The following PPP1R14C variants were observed in gnomAD, a reference collection of about 807,000 sequenced individuals.
PPP1R14C encodes protein phosphatase 1 regulatory subunit 14C.
Under a neutral mutation model 20.4 loss-of-function variants are expected in PPP1R14C, and 16 were observed. That is an observed-to-expected ratio of 0.78 (90% confidence interval 0.53 to 1.19). PPP1R14C has a LOEUF of 1.19. Among genes scored for constraint, PPP1R14C ranks in the 50% most tolerant of loss-of-function variants. The probability of loss-of-function intolerance (pLI) is 0.00; values close to 1 mark genes in which losing one functional copy is unlikely to be tolerated. For missense variants in PPP1R14C, 211 were observed against 220.1 expected, an observed-to-expected ratio of 0.96 and a Z score of 0.26; for synonymous variants, 91 against 91.0, an observed-to-expected ratio of 1.00 and a Z score of 0.00.
intron 1 of PPP1R14C, among the ~76,000 whole-genome samples, chr6:150,149,531 T>A (rs1029488489): frequency 6.8e-6 from 1 of 148,108 alleles, no homozygotes; most frequent in African/African-American, 2.5e-5. Flanking sequence ...TTCCTGGGCT[T>A]AAGTGATCCG....
intron 1 of PPP1R14C, among the ~76,000 whole-genome samples, chr6:150,173,317 C>T (rs1777519107): frequency 6.6e-6 from 1 of 151,984 alleles, no homozygotes. Flanking sequence ...ACCACCTAAT[C>T]TGGTCTCTTA....
At chr6:150,144,764 AC>A (rs1777163618) in intron 1 of PPP1R14C, among the ~76,000 whole-genome samples, 1 of 152,260 alleles carries the variant, frequency 6.6e-6, no homozygotes, top group African/African-American at 2.4e-5. Context: ...TGACTGTATG[AC>A]TAATGGGGTT....
At chr6:150,150,955 C>G (rs555879325) in intron 1 of PPP1R14C, among the ~76,000 whole-genome samples, 1 of 152,260 alleles carries the variant, frequency 6.6e-6, no homozygotes, top group East Asian at 1.9e-4. Context: ...CCTTCCCTTT[C>G]TGGGTTTTTC....
intron 1 of PPP1R14C, among the ~76,000 whole-genome samples, chr6:150,180,966 A>G (rs1275595297): frequency 1.3e-5 from 2 of 152,244 alleles, no homozygotes; most frequent in Non-Finnish European, 2.9e-5. Flanking sequence ...TAAGGACCCA[A>G]TGTCAAAGTG....
intron 1 of PPP1R14C, among the ~76,000 whole-genome samples, chr6:150,199,870 A>T (rs75332561): frequency 5.7e-3 from 1 of 176 alleles, no homozygotes; most frequent in Admixed American, 0.056. Context: ...GCCTGTCTCT[A>T]AAAAAAAAAA....
At chr6:150,247,237 C>T (rs546154302) in intron 3 of PPP1R14C, among the ~76,000 whole-genome samples, 17 of 152,276 alleles carry the variant, frequency 1.1e-4, no homozygotes, top group African/African-American at 3.6e-4. Context: ...CAAAGTTCCT[C>T]GGTGTTTTTG....
intron 1 of PPP1R14C, among the ~76,000 whole-genome samples, chr6:150,187,243 TTC>T (rs1191266651): frequency 1.8e-4 from 22 of 120,506 alleles, no homozygotes; most frequent in African/African-American, 4.6e-4. Context: ...GCCTTTCTCT[TTC>T]TCTGTGTGTG....
rs546999510 is a variant in PPP1R14C, at chr6:150,143,625, C to T, written c.306+127C>T. On this transcript the variant is annotated intron_variant, in intron 1 of 3. Coordinates refer to ENST00000361131, the MANE Select transcript of PPP1R14C (RefSeq NM_030949.3). This position sits in a 1 kb window ranked among gnomAD's most constrained non-coding sequence, Gnocchi z 5.6. ...ACTCCCGGGGACCAAGTGCCAGGAGCGAGGCGCGGCGCCTTCTCTCCCCCG... is the reference window on the plus strand; with the variant it reads ...ACTCCCGGGGACCAAGTGCCAGGAGTGAGGCGCGGCGCCTTCTCTCCCCCG... The T allele has an allele frequency of 7.1e-5, 48 of 678,580 alleles. 2 individuals carry two copies. In the Middle Eastern group the frequency reaches 1.2e-3, roughly 17 times the overall value. 42.0% of individuals were successfully genotyped at this position (678,580 alleles called of 1,614,324 possible). A position where few individuals can be genotyped will look rare whatever the true frequency, so the allele number is the denominator to read the frequency against.
At position 150,216,881 on chromosome 6, in the gene PPP1R14C, G is replaced by A. The variant is rs151273696; in HGVS notation, c.423+25G>A. On this transcript the variant is annotated intron_variant, in intron 3 of 3. Transcript: ENST00000361131. Reference sequence around the variant, plus strand: ...GGTAAGCAAATCACTTTTCCTAAATGCCATGTTTGAACTGGTTTTTATTAA... The same window carrying A: ...GGTAAGCAAATCACTTTTCCTAAATACCATGTTTGAACTGGTTTTTATTAA... 903 of 1,587,172 alleles carry A rather than the reference G, an allele frequency of 5.7e-4. 11 individuals are homozygous for A. The East Asian group carries it at 0.016, about 28-fold the overall frequency.
At chr6:150,226,141 C>T (rs1410965492) in intron 3 of PPP1R14C, among the ~76,000 whole-genome samples, 5 of 152,032 alleles carry the variant, frequency 3.3e-5, no homozygotes, top group East Asian at 1.9e-4. Context: ...ATTCAGTCTG[C>T]GGACTCTTGT....
chr6:150,159,244 A>G (rs1305031902), intron 1 of PPP1R14C, among the ~76,000 whole-genome samples: 2 of 152,240 alleles, frequency 1.3e-5, no homozygotes, highest in Non-Finnish European at 2.9e-5. Flanking sequence ...ATTATATCTC[A>G]GTAAAGTATT....
At chr6:150,203,576 C>T (rs189903333) in intron 1 of PPP1R14C, among the ~76,000 whole-genome samples, 14 of 152,228 alleles carry the variant, frequency 9.2e-5, no homozygotes, top group Admixed American at 5.9e-4. Flanking sequence ...GGAGCCTTCC[C>T]GAGGCAGGAG....
intron 1 of PPP1R14C, among the ~76,000 whole-genome samples, chr6:150,149,504 G>T (rs1777221048): frequency 1.5e-5 from 2 of 137,548 alleles, no homozygotes; most frequent in Non-Finnish European, 3.0e-5. Context: ...CACTGTGTTG[G>T]CCAGGCTGGT....
chr6:150,147,188 T>C, intron 1 of PPP1R14C, among the ~76,000 whole-genome samples: 1 of 151,886 alleles, frequency 6.6e-6, no homozygotes, highest in Non-Finnish European at 1.5e-5. Flanking sequence ...TGTTTTGTTT[T>C]TGTTTTTTTG....
intron 1 of PPP1R14C, among the ~76,000 whole-genome samples, chr6:150,208,849 G>T (rs1294534725): frequency 6.6e-6 from 1 of 152,060 alleles, no homozygotes; most frequent in African/African-American, 2.4e-5. Context: ...GTTATAGCAC[G>T]GCTGTCCAGA....
At chr6:150,192,441 C>T (rs1777756573) in intron 1 of PPP1R14C, among the ~76,000 whole-genome samples, 1 of 152,176 alleles carries the variant, frequency 6.6e-6, no homozygotes, top group African/African-American at 2.4e-5. Flanking sequence ...AGGGTTTGCA[C>T]TCCTATGAGA....
At chr6:150,162,499 C>T (rs574502686) in intron 1 of PPP1R14C, among the ~76,000 whole-genome samples, 1 of 149,342 alleles carries the variant, frequency 6.7e-6, no homozygotes, top group African/African-American at 2.5e-5. Flanking sequence ...ATTTAAGATT[C>T]ATCCGTGGTT....
intron 1 of PPP1R14C, among the ~76,000 whole-genome samples, chr6:150,181,367 C>A (rs1299413769): frequency 6.6e-6 from 1 of 152,122 alleles, no homozygotes; most frequent in Non-Finnish European, 1.5e-5. Flanking sequence ...TATTATTATT[C>A]AAGGGTGTTT....
rs1778532908 is a variant in PPP1R14C, at chr6:150,249,234, A to G, written c.*414A>G. 1 of 399,734 alleles carries G rather than the reference A, an allele frequency of 2.5e-6. No homozygotes were observed. The highest frequency in any genetic ancestry group is 3.6e-5 in the East Asian group (1 of 28,096). The allele number at this position is 399,734 out of a possible 1,614,324, so 24.8% of individuals were successfully genotyped here. A position where few individuals can be genotyped will look rare whatever the true frequency, so the allele number is the denominator to read the frequency against. ...AGTTGTACATTTGACTCAGCTGTCA[A>G]ATTTCTCACACTTGTATATATCTAC... On this transcript the variant is annotated 3_prime_UTR_variant, in exon 4 of 4. Coordinates refer to ENST00000361131, the MANE Select transcript of PPP1R14C (RefSeq NM_030949.3).
Sources: gnomAD v4.1 joint callset for allele counts (sites outside exome capture counted in the v4.1 genomes callset) on GRCh38, gnomAD v4.1.1 for gene constraint, Gnocchi (gnomAD v3.1) non-coding constraint, MANE v1.5 for transcripts, NCBI Gene and HGNC (gene_info 2026-07-23, HGNC 2026-07-21) for gene names.